The following COL18A1 variants were observed in gnomAD, a reference collection of about 807,000 sequenced individuals.
COL18A1 encodes collagen type XVIII alpha 1 chain.
COL18A1 carries 133 observed loss-of-function variants against 168.0 expected under a neutral mutation model. The observed-to-expected ratio is 0.79, with a 90% CI of 0.69 to 0.91. The LOEUF is 0.91. Ranked by LOEUF, COL18A1 falls within the 40% of genes least tolerant of loss-of-function variation. The probability of loss-of-function intolerance (pLI) is 0.00; values close to 1 mark genes in which losing one functional copy is unlikely to be tolerated. For synonymous variants in COL18A1, 949 were observed against 809.0 expected (o/e 1.17, Z -2.94); for missense variants, 2,126 against 1,925.4 (o/e 1.10, Z -1.95).
At chr21:45,507,817 G>A (rs1310494419) in intron 38 of COL18A1, among the ~76,000 whole-genome samples, 1 of 152,226 alleles carries the variant, frequency 6.6e-6, no homozygotes, top group Non-Finnish European at 1.5e-5. Flanking sequence ...TCACGAGGGA[G>A]CCCCTCTCAT....
At chr21:45,491,914 G>A (rs2036366866) in intron 22 of COL18A1, among the ~76,000 whole-genome samples, 1 of 148,488 alleles carries the variant, frequency 6.7e-6, no homozygotes, top group Admixed American at 6.6e-5. Flanking sequence ...AGAGCTGGGT[G>A]TGGCCAGGGG....
chr21:45,483,868 A>G (rs1368241816), intron 15 of COL18A1, among the ~76,000 whole-genome samples: 1 of 149,828 alleles, frequency 6.7e-6, no homozygotes, highest in African/African-American at 2.5e-5. Context: ...GTGCACATAC[A>G]CACACACACC....
intron 2 of COL18A1, chr21:45,456,284 C>T (rs763775854): frequency 6.4e-7 from 1 of 1,568,440 alleles, no homozygotes; most frequent in East Asian, 2.4e-5. Context: ...CAGCCAGCAG[C>T]TCCAACGCCC....
At chr21:45,506,043 G>C in intron 37 of COL18A1, 77 bp downstream of exon 37, 1 of 1,606,780 alleles carries the variant, frequency 6.2e-7, no homozygotes, top group East Asian at 2.2e-5. Context: ...AAGGCGAGAG[G>C]CTCAGGCCCC....
chr21:45,428,047 G>A (rs74875349), intron 2 of COL18A1, among the ~76,000 whole-genome samples: 6,129 of 152,258 alleles, frequency 0.04, 155 homozygotes, highest in East Asian at 0.093. Flanking sequence ...TGCTCGCGCC[G>A]GCCAAGGCCC....
chr21:45,506,763 C>CTAGAGCCCTCCCACCTTCCT (rs2037229904), intron 37 of COL18A1: 11 of 31,194 alleles, frequency 3.5e-4, no homozygotes, highest in African/African-American at 1.3e-3. Flanking sequence ...CCCACCTTCC[C>CTAGAGCCCTCCCACCTTCCT]TCTGGAACCC....
intron 29 of COL18A1, chr21:45,495,654 A>G (rs2036505348): frequency 3.6e-6 from 2 of 549,918 alleles, no homozygotes; most frequent in Admixed American, 2.7e-5. Context: ...CCGTACTCAT[A>G]CATGTGTGCA....
chr21:45,510,403 GCAGGCTCCGGGTGGGTCACACCCCTC>G (rs1260723204), intron 40 of COL18A1, 142 bp downstream of exon 40: 2 of 968,590 alleles, frequency 2.1e-6, no homozygotes, highest in Non-Finnish European at 3.2e-6. Context: ...CGACTTCAGG[GCAGGCTCCGGGTGGGTCACACCCCTC>G]CAGGCTCAGG....
intron 18 of COL18A1, 142 bp from the exon 19 acceptor site, chr21:45,489,344 C>T: frequency 1.3e-6 from 1 of 748,178 alleles, no homozygotes; most frequent in Non-Finnish European, 2.4e-6. Context: ...GCTCAGTGTC[C>T]CTGGGACCCC....
Position 45,405,881 on chromosome 21 carries a change from G to A in COL18A1, c.106+408G>A, listed in dbSNP as rs138990565. Reference sequence around the variant, plus strand: ...CCGCGGGCGGAAGGCGGCGGAGCGCGGGGCGTCGTCTCCGCGTTTCCAACC... The same window carrying A: ...CCGCGGGCGGAAGGCGGCGGAGCGCAGGGCGTCGTCTCCGCGTTTCCAACC... On this transcript the variant is annotated intron_variant, in intron 2 of 41. Coordinates refer to ENST00000651438, the MANE Select transcript of COL18A1 (RefSeq NM_001379500.1). Among the ~76,000 whole-genome samples the A allele has an allele frequency of 2.6e-3, 389 of 151,996 alleles. 4 individuals are homozygous for A. The highest frequency in any genetic ancestry group is 8.9e-3 in the African/African-American group (369 of 41,498).
intron 2 of COL18A1, among the ~76,000 whole-genome samples, chr21:45,414,367 A>T (rs2033382649): frequency 6.6e-6 from 1 of 152,090 alleles, no homozygotes; most frequent in Non-Finnish European, 1.5e-5. Flanking sequence ...CTGAAATGAG[A>T]CTTCACCCCC....
chr21:45,492,235 C>T (rs558158727), intron 22 of COL18A1, among the ~76,000 whole-genome samples: 222 of 152,298 alleles, frequency 1.5e-3, no homozygotes, highest in Middle Eastern at 3.4e-3. Flanking sequence ...AGAAAAGCCT[C>T]CCGTAGGCCG....
chr21:45,467,542 C>T (rs541221028), intron 2 of COL18A1: 72 of 679,396 alleles, frequency 1.1e-4, no homozygotes, highest in South Asian at 5.3e-4. Flanking sequence ...GCAGGTGAGC[C>T]GGTGACCGAC....
chr21:45,484,815 G>C (rs1027183618), intron 15 of COL18A1, among the ~76,000 whole-genome samples: 2 of 152,198 alleles, frequency 1.3e-5, no homozygotes, highest in Admixed American at 6.5e-5. Flanking sequence ...TAGGCTTTGA[G>C]TTAAGCAGGG....
At chr21:45,480,369 G>C in intron 11 of COL18A1, 98 bp from the exon 12 acceptor site, 2 of 1,607,692 alleles carry the variant, frequency 1.2e-6, no homozygotes, top group Non-Finnish European at 1.7e-6. Flanking sequence ...GCTCCTTGTA[G>C]AAACAGCTCG....
chr21:45,423,003 A>G lies in COL18A1; in HGVS notation c.106+17530A>G, dbSNP rs1004911669. The stretch of plus-strand genomic sequence containing the variant: ...AATTTTTTGTATTTTTAGTAGAGAC[A>G]AGGTTTCTCCATGTTGGTCAGGCTG... On this transcript the variant is annotated intron_variant, in intron 2 of 41. Coordinates refer to ENST00000651438, the MANE Select transcript of COL18A1 (RefSeq NM_001379500.1). This position sits in a 1 kb window ranked among gnomAD's most constrained non-coding sequence, Gnocchi z 4.0. Among the ~76,000 whole-genome samples the G allele has an allele frequency of 6.6e-6, 1 of 151,944 alleles. No individual in the cohort carries two copies. The highest frequency in any genetic ancestry group is 1.5e-5 in the Non-Finnish European group (1 of 67,982).
At chr21:45,422,979 A>T (rs1322744115) in intron 2 of COL18A1, among the ~76,000 whole-genome samples, 1 of 151,884 alleles carries the variant, frequency 6.6e-6, no homozygotes, top group East Asian at 1.9e-4. Context: ...TGCCCAGCTA[A>T]TTTTTTGTAT....
rs989023296 is a variant in COL18A1 at position 45,456,250 on chromosome 21, ACT to A, written c.107-11988_107-11987del. On this transcript the variant is annotated intron_variant, in intron 2 of 41. Transcript: ENST00000651438. ...GCCTGCAGGACCCAGACAGCCAAGGACTCTCGCCCGCCGCAGCCGCTCCCAGC... is the reference window on the plus strand; with the variant it reads ...GCCTGCAGGACCCAGACAGCCAAGGACTCGCCCGCCGCAGCCGCTCCCAGC... 1.5e-5 allele frequency: 23 copies of A among 1,572,430 alleles called. No homozygotes were observed. In the Admixed American group the frequency reaches 3.4e-4, roughly 23 times the overall value.
At chr21:45,416,775 A>G (rs2033460908) in intron 2 of COL18A1, among the ~76,000 whole-genome samples, 1 of 152,222 alleles carries the variant, frequency 6.6e-6, no homozygotes, top group Admixed American at 6.5e-5. Context: ...GAAGCAGCAC[A>G]GCTCACTTTG....
Sources: gnomAD v4.1 joint callset for allele counts (sites outside exome capture counted in the v4.1 genomes callset) on GRCh38, gnomAD v4.1.1 for gene constraint, Gnocchi (gnomAD v3.1) non-coding constraint, MANE v1.5 for transcripts, NCBI Gene and HGNC (gene_info 2026-07-23, HGNC 2026-07-21) for gene names.